TMEM35B: variants seen among roughly 807,000 people sequenced by gnomAD.
The protein encoded by TMEM35B is transmembrane protein 35B.
In TMEM35B, 6 loss-of-function variants were observed where a neutral mutation model predicts 8.7. That is an observed-to-expected ratio of 0.69 (90% CI 0.38 to 1.36). TMEM35B has a LOEUF of 1.36. Ranked by LOEUF, TMEM35B falls within the 40% of genes most tolerant of loss-of-function variation. The probability of loss-of-function intolerance (pLI) is 0.02; values close to 1 mark genes in which losing one functional copy is unlikely to be tolerated. For synonymous variants in TMEM35B, 89 were observed against 87.0 expected (o/e 1.02, Z -0.13); for missense variants, 176 against 181.6 (o/e 0.97, Z 0.18).
At chr1:34,984,773 A>T (rs185277731) in intron 1 of TMEM35B, among the ~76,000 whole-genome samples, 5 of 152,280 alleles carry the variant, frequency 3.3e-5, no homozygotes, top group Admixed American at 1.3e-4. Context: ...CTTGCCCTTC[A>T]GGGCGGGCTT....
At chr1:34,985,080 A>G (rs1640551997) in intron 1 of TMEM35B, 118 bp downstream of exon 1, 1 of 735,748 alleles carries the variant, frequency 1.4e-6, no homozygotes, top group Non-Finnish European at 2.0e-6. Context: ...GCTTTCCCCC[A>G]GCTCCAGCTG....
rs1163962621 is a variant in TMEM35B at position 34,983,578 on chromosome 1, C to CAAAAAAAAAAAAAAA, written c.289+174_289+188dup. Among the ~76,000 whole-genome samples, 10 of 23,216 alleles carry CAAAAAAAAAAAAAAA rather than the reference C, an allele frequency of 4.3e-4. 1 individual carries two copies. Among genetic ancestry groups the CAAAAAAAAAAAAAAA allele is most frequent in the Admixed American group, 1.0e-3 (2 of 1,960 alleles). 15.2% of individuals were successfully genotyped at this position (23,216 alleles called of 152,430 possible). On this transcript the variant is annotated intron_variant, in intron 2 of 2. Coordinates refer to ENST00000373337, the Ensembl canonical transcript of TMEM35B. ...TGGGCGAAAGAGCGAGACTCCATCT[C>CAAAAAAAAAAAAAAA]AAAAAAAAAAAAAAAAAAAAAAAAA...
chr1:34,982,214 C>G, intron 2 of TMEM35B, 95 bp from the exon 3 acceptor site: 18 of 1,105,184 alleles, frequency 1.6e-5, no homozygotes, highest in Non-Finnish European at 2.3e-5. Context: ...CACTCCAGCC[C>G]AAGCCCTCCC....
exon 3 of TMEM35B, chr1:34,981,846 G>C: frequency 8.0e-7 from 1 of 1,252,214 alleles, no homozygotes; most frequent in Non-Finnish European, 1.1e-6. Flanking sequence ...TTCAACACTG[G>C]CTGACCCTGG....
chr1:34,982,152 T>G, intron 2 of TMEM35B, 33 bp from the exon 3 acceptor site: 1 of 1,515,346 alleles, frequency 6.6e-7, no homozygotes, highest in Non-Finnish European at 8.8e-7. Context: ...TGAGGCTCCT[T>G]GGAAGAACCC....
rs111709408 is a variant in TMEM35B, at chr1:34,985,339, C to T, written c.-34G>A. 5,434 of 1,495,724 alleles carry T rather than the reference C, an allele frequency of 3.6e-3. 181 individuals carry two copies. The African/African-American group carries it at 0.068, about 19-fold the overall frequency. 92.7% of individuals were successfully genotyped at this position (1,495,724 alleles called of 1,614,324 possible). A position where few individuals can be genotyped will look rare whatever the true frequency, so the allele number is the denominator to read the frequency against. On this transcript the variant is annotated 5_prime_UTR_variant, in exon 1 of 3. Transcript: ENST00000373337. ...TCCCCCCACCGTGGGTTGGCCCCGC[C>T]GAAAACCCGCCCCTGCCGCCGGCTC... is the stretch of plus-strand genomic sequence containing the variant.
chr1:34,981,879 A>G (rs188844382), exon 3 of TMEM35B: 1 of 1,413,298 alleles, frequency 7.1e-7, no homozygotes, highest in East Asian at 2.6e-5. Flanking sequence ...TAACAAGATG[A>G]TAGACTCTGT....
At chr1:34,982,208 C>T in intron 2 of TMEM35B, 89 bp from the exon 3 acceptor site, 1 of 1,174,524 alleles carries the variant, frequency 8.5e-7, no homozygotes, top group Non-Finnish European at 1.2e-6. Flanking sequence ...CTGACCCACT[C>T]CAGCCCAAGC....
chr1:34,985,296 G>A (rs1232056864), exon 1 of TMEM35B: 2 of 1,533,048 alleles, frequency 1.3e-6, no homozygotes, highest in Non-Finnish European at 1.8e-6. Context: ...ACCGAAAGCA[G>A]GAGCGCCATG....
chr1:34,984,700 G>T (rs182496117), intron 1 of TMEM35B, among the ~76,000 whole-genome samples: 127 of 152,280 alleles, frequency 8.3e-4, no homozygotes, highest in South Asian at 1.0e-3. Flanking sequence ...TCTGGGTTCC[G>T]AGTTAGGAGT....
exon 1 of TMEM35B, chr1:34,985,238 T>G: frequency 6.5e-7 from 1 of 1,544,778 alleles, no homozygotes. Context: ...CTCCGAGAGC[T>G]TGGCCAACCC....
chr1:34,982,031 A>G, exon 3 of TMEM35B: 1 of 1,550,318 alleles, frequency 6.5e-7, no homozygotes, highest in Non-Finnish European at 8.7e-7. Context: ...GCTGGCCGAC[A>G]TTCAGCAGCA....
At chr1:34,984,018 A>G (rs1318586992) in intron 1 of TMEM35B, 71 bp from the exon 2 acceptor site, 2 of 1,368,438 alleles carry the variant, frequency 1.5e-6, no homozygotes, top group East Asian at 5.6e-5. Flanking sequence ...GCTCCATGGC[A>G]TATCTATGCC....
intron 1 of TMEM35B, among the ~76,000 whole-genome samples, chr1:34,984,292 C>T (rs1160919959): frequency 1.3e-5 from 2 of 152,228 alleles, no homozygotes; most frequent in African/African-American, 4.8e-5. Context: ...TTCTTTGTGT[C>T]TGGCCTGGTT....
At chr1:34,981,469 A>G (rs1174014964), downstream of TMEM35B, 1 of 152,282 alleles carries the variant, frequency 6.6e-6, no homozygotes, top group Non-Finnish European at 1.5e-5. Flanking sequence ...TAAATACATT[A>G]TAGTACATCC....
At chr1:34,983,927 A>C (rs1056620945) in exon 2 of TMEM35B, 1 of 1,519,438 alleles carries the variant, frequency 6.6e-7, no homozygotes, top group African/African-American at 1.4e-5. Context: ...ACACCTCAGC[A>C]AACTGCACGA....
intron 2 of TMEM35B, 32 bp from the exon 3 acceptor site, chr1:34,982,151 T>C (rs1368978164): frequency 1.3e-6 from 2 of 1,515,982 alleles, no homozygotes; most frequent in Non-Finnish European, 1.8e-6. Context: ...CTGAGGCTCC[T>C]TGGAAGAACC....
intron 2 of TMEM35B, among the ~76,000 whole-genome samples, chr1:34,983,233 G>A (rs986025555): frequency 2.6e-5 from 4 of 152,144 alleles, no homozygotes; most frequent in Non-Finnish European, 4.4e-5. Flanking sequence ...AATTGAGGAG[G>A]TAGAAGGTAC....
At chr1:34,982,177 C>T (rs1640514136) in intron 2 of TMEM35B, 58 bp from the exon 3 acceptor site, 2 of 1,464,732 alleles carry the variant, frequency 1.4e-6, no homozygotes, top group Non-Finnish European at 9.1e-7. Context: ...GATCCAGGAG[C>T]TCAGGGCTCT....
Sources: allele counts gnomAD v4.1 joint callset (sites outside exome capture counted in the v4.1 genomes callset), GRCh38; gene constraint gnomAD v4.1.1; transcripts MANE v1.5; gene names NCBI Gene and HGNC (gene_info 2026-07-23, HGNC 2026-07-21).